Variants in SEZ6L observed in about 807,000 individuals in gnomAD.
SEZ6L encodes seizure related 6 homolog like.
In SEZ6L, 37 loss-of-function variants were observed where a neutral mutation model predicts 106.2. The ratio of observed to expected loss-of-function variants is 0.35; its 90% confidence interval spans 0.27 to 0.46. SEZ6L has a LOEUF of 0.46. SEZ6L is among the 20% of genes least tolerant of loss of function. The pLI, the probability that SEZ6L is intolerant of heterozygous loss-of-function variation, is 1.00. For synonymous variants in SEZ6L, 541 were observed against 570.4 expected (o/e 0.95, Z 0.73); for missense variants, 1,172 against 1,332.8 (o/e 0.88, Z 1.88).
chr22:26,253,472 C>A (rs1192792888), intron 1 of SEZ6L, among the ~76,000 whole-genome samples: 1 of 152,152 alleles, frequency 6.6e-6, no homozygotes. Flanking sequence ...AACGTTTTCA[C>A]CTATTTGCAT....
chr22:26,356,855 C>G (rs1391175711), intron 12 of SEZ6L, among the ~76,000 whole-genome samples: 1 of 151,970 alleles, frequency 6.6e-6, no homozygotes, highest in Non-Finnish European at 1.5e-5. Context: ...AATGATGAGT[C>G]ATCACCAAAA....
intron 9 of SEZ6L, among the ~76,000 whole-genome samples, chr22:26,325,307 A>G (rs1305313702): frequency 1.3e-5 from 2 of 152,220 alleles, no homozygotes; most frequent in Admixed American, 1.3e-4. Flanking sequence ...CCATGACCAT[A>G]GAAGAGTGGA....
At position 26,340,643 on chromosome 22, in the gene SEZ6L, C is replaced by T. The variant is rs1175116667; in HGVS notation, c.2212+11C>T. 1.9e-6 allele frequency: 3 copies of T among 1,595,672 alleles called. No individual in the cohort carries two copies. Among genetic ancestry groups the T allele is most frequent in the South Asian group, 1.1e-5 (1 of 88,130 alleles). On this transcript the variant is annotated intron_variant, in intron 10 of 16. Coordinates refer to ENST00000248933, the MANE Select transcript of SEZ6L (RefSeq NM_021115.5). ...TCATGAACTACATAGGTAGGTGTCTCATCTGGTCAATTTATTTTTTCTTTG... is the reference window on the plus strand; with the variant it reads ...TCATGAACTACATAGGTAGGTGTCTTATCTGGTCAATTTATTTTTTCTTTG...
At chr22:26,256,097 T>G (rs1387471968) in intron 1 of SEZ6L, among the ~76,000 whole-genome samples, 1 of 152,060 alleles carries the variant, frequency 6.6e-6, no homozygotes, top group Non-Finnish European at 1.5e-5. Context: ...CCCTCTCTTC[T>G]CACAAAAGGA....
chr22:26,273,648 G>A (rs1256464506), intron 1 of SEZ6L, among the ~76,000 whole-genome samples: 2 of 152,230 alleles, frequency 1.3e-5, no homozygotes, highest in African/African-American at 4.8e-5. Flanking sequence ...ATGCACTGGG[G>A]CTCTGATGCC....
chr22:26,186,240 G>A (rs1298138300), intron 1 of SEZ6L, among the ~76,000 whole-genome samples: 1 of 152,124 alleles, frequency 6.6e-6, no homozygotes, highest in Non-Finnish European at 1.5e-5. Context: ...TGGGGCATTT[G>A]AACAACTGAC....
At chr22:26,262,828 T>G (rs917169229) in intron 1 of SEZ6L, among the ~76,000 whole-genome samples, 4 of 152,192 alleles carry the variant, frequency 2.6e-5, no homozygotes, top group African/African-American at 4.8e-5. Context: ...GAGACCACCA[T>G]GAGTTCACTA....
chr22:26,231,133 C>T (rs1328532345), intron 1 of SEZ6L, among the ~76,000 whole-genome samples: 3 of 152,224 alleles, frequency 2.0e-5, no homozygotes, highest in South Asian at 2.1e-4. Flanking sequence ...GCCCGGCTAC[C>T]CCATAATAGT....
chr22:26,206,997 C>T (rs189655109), intron 1 of SEZ6L, among the ~76,000 whole-genome samples: 19 of 152,242 alleles, frequency 1.2e-4, no homozygotes, highest in East Asian at 1.9e-4. Flanking sequence ...ACCTCGACAA[C>T]GCTTATTTTC....
chr22:26,192,834 A>T (rs1356984095), intron 1 of SEZ6L, among the ~76,000 whole-genome samples: 4 of 152,234 alleles, frequency 2.6e-5, no homozygotes, highest in Non-Finnish European at 5.9e-5. Flanking sequence ...TCAACCCAAG[A>T]TAATAAAATA....
At chr22:26,281,671 C>G (rs1409323490) in intron 1 of SEZ6L, among the ~76,000 whole-genome samples, 3 of 152,192 alleles carry the variant, frequency 2.0e-5, no homozygotes, top group African/African-American at 7.2e-5. Flanking sequence ...AGCCACCGCA[C>G]CTGGCCTTCT....
rs113909591 is a variant in SEZ6L at position 26,283,495 on chromosome 22, T to C, written c.95-8911T>C. ...AATGTAATGGAATACTATACAGCAGTGAAAAATGAATCCATCACAGCTGCA... is the reference window on the plus strand; with the variant it reads ...AATGTAATGGAATACTATACAGCAGCGAAAAATGAATCCATCACAGCTGCA... On this transcript the variant is annotated intron_variant, in intron 1 of 16. Coordinates refer to ENST00000248933, the MANE Select transcript of SEZ6L (RefSeq NM_021115.5). Among the ~76,000 whole-genome samples, 626 of 152,244 alleles carry C rather than the reference T, an allele frequency of 4.1e-3. 6 individuals are homozygous for C. The highest frequency in any genetic ancestry group is 0.014 in the African/African-American group (563 of 41,544).
chr22:26,313,039 T>G (rs188776121), intron 8 of SEZ6L, among the ~76,000 whole-genome samples: 1 of 152,364 alleles, frequency 6.6e-6, no homozygotes, highest in Admixed American at 6.5e-5. Context: ...AATGTGCCGA[T>G]TTAACAGAGC....
At chr22:26,280,638 A>G (rs965804800) in intron 1 of SEZ6L, among the ~76,000 whole-genome samples, 9 of 151,594 alleles carry the variant, frequency 5.9e-5, no homozygotes, top group Admixed American at 2.6e-4. Flanking sequence ...ACCTCTCCCC[A>G]CCCCACCCTT....
intron 1 of SEZ6L, among the ~76,000 whole-genome samples, chr22:26,268,703 G>A (rs368499881): frequency 2.6e-5 from 4 of 152,174 alleles, no homozygotes; most frequent in East Asian, 3.9e-4. Context: ...GTGCATTGTA[G>A]GATGTTTAGC....
intron 1 of SEZ6L, among the ~76,000 whole-genome samples, chr22:26,230,431 T>C (rs1036809819): frequency 6.6e-6 from 1 of 152,210 alleles, no homozygotes; most frequent in Non-Finnish European, 1.5e-5. Context: ...CAAATACTTA[T>C]TGAGCACTAA....
chr22:26,347,228 T>TGATGATGATGAG (rs1556369914), intron 10 of SEZ6L, among the ~76,000 whole-genome samples: 1 of 150,678 alleles, frequency 6.6e-6, no homozygotes, highest in Admixed American at 6.6e-5. Context: ...ATGATGATGA[T>TGATGATGATGAG]AAGAATAATA....
chr22:26,315,564 C>G (rs1156967447), intron 9 of SEZ6L, among the ~76,000 whole-genome samples: 1 of 152,164 alleles, frequency 6.6e-6, no homozygotes, highest in Non-Finnish European at 1.5e-5. Context: ...AATAGCTGCC[C>G]CTTGTGGACT....
chr22:26,218,611 G>A (rs1429604591), intron 1 of SEZ6L, among the ~76,000 whole-genome samples: 1 of 152,202 alleles, frequency 6.6e-6, no homozygotes, highest in Non-Finnish European at 1.5e-5. Context: ...AGACCAGCCT[G>A]GTCAACATGG....
Sources: gnomAD v4.1 joint callset for allele counts (sites outside exome capture counted in the v4.1 genomes callset) on GRCh38, gnomAD v4.1.1 for gene constraint, MANE v1.5 for transcripts, NCBI Gene and HGNC (gene_info 2026-07-23, HGNC 2026-07-21) for gene names.